ADAMTSL3: variants seen among roughly 807,000 people sequenced by gnomAD.
ADAMTSL3 encodes ADAMTS-like protein 3.
In ADAMTSL3, 128 loss-of-function variants were observed where a neutral mutation model predicts 201.7. The observed-to-expected ratio is 0.63, with a 90% CI of 0.55 to 0.73. The LOEUF is 0.73. Among genes scored for constraint, ADAMTSL3 ranks in the 30% least tolerant of loss-of-function variants. ADAMTSL3 has a pLI of 0.00. For synonymous variants in ADAMTSL3, 738 were observed against 748.4 expected (o/e 0.99, Z 0.23); for missense variants, 1,990 against 2,119.6 (o/e 0.94, Z 1.20).
intron 8 of ADAMTSL3, among the ~76,000 whole-genome samples, chr15:83,869,824 G>T (rs1425655996): frequency 6.6e-6 from 1 of 152,116 alleles, no homozygotes; most frequent in African/African-American, 2.4e-5. Flanking sequence ...CTGAGAGATT[G>T]TCTGCTCTGA....
chr15:83,759,260 C>G (rs1423503562), intron 3 of ADAMTSL3, among the ~76,000 whole-genome samples: 3 of 149,804 alleles, frequency 2.0e-5, no homozygotes, highest in Non-Finnish European at 3.0e-5. Flanking sequence ...GAGTCTCGCT[C>G]TGTCGCCCAG....
intron 8 of ADAMTSL3, among the ~76,000 whole-genome samples, chr15:83,869,591 C>A (rs183328949): frequency 6.6e-6 from 1 of 152,306 alleles, no homozygotes; most frequent in Admixed American, 6.5e-5. Flanking sequence ...TGAATTCCTG[C>A]AGCTGCTCCA....
At chr15:83,977,119 A>G (rs1435186170) in intron 20 of ADAMTSL3, among the ~76,000 whole-genome samples, 1 of 152,142 alleles carries the variant, frequency 6.6e-6, no homozygotes, top group African/African-American at 2.4e-5. Flanking sequence ...CAGCAGCGGC[A>G]TTAGCTTCTC....
At chr15:83,700,323 T>C (rs1173525400) in intron 2 of ADAMTSL3, among the ~76,000 whole-genome samples, 1 of 152,240 alleles carries the variant, frequency 6.6e-6, no homozygotes, top group Non-Finnish European at 1.5e-5. Context: ...TTAGGGCTTT[T>C]GCACTTGTTC....
chr15:83,761,817 C>A (rs963501191), intron 3 of ADAMTSL3, among the ~76,000 whole-genome samples: 3 of 152,210 alleles, frequency 2.0e-5, no homozygotes, highest in Non-Finnish European at 4.4e-5. Context: ...AATGTTGTCT[C>A]TTGCTACAAT....
At chr15:83,767,761 C>T (rs967278506) in intron 3 of ADAMTSL3, among the ~76,000 whole-genome samples, 11 of 152,134 alleles carry the variant, frequency 7.2e-5, no homozygotes, top group East Asian at 3.8e-4. Context: ...CATTTGATGA[C>T]GGTAATTGGT....
chr15:83,859,602 T>C (rs1433268635), intron 8 of ADAMTSL3, among the ~76,000 whole-genome samples: 1 of 152,206 alleles, frequency 6.6e-6, no homozygotes, highest in Non-Finnish European at 1.5e-5. Flanking sequence ...GTGAAGTTGC[T>C]CATTACTTCT....
chr15:83,723,389 A>G (rs1025935009), intron 3 of ADAMTSL3, among the ~76,000 whole-genome samples: 4 of 152,226 alleles, frequency 2.6e-5, no homozygotes, highest in African/African-American at 7.2e-5. Context: ...CAGTTTTGCA[A>G]CATGTATTAA....
chr15:84,017,834 C>T (rs886378501), intron 25 of ADAMTSL3, among the ~76,000 whole-genome samples: 2 of 152,188 alleles, frequency 1.3e-5, no homozygotes, highest in Admixed American at 1.3e-4. Context: ...TTGAGAAGCT[C>T]ACAGTCTGAA....
intron 9 of ADAMTSL3, among the ~76,000 whole-genome samples, chr15:83,882,154 T>A (rs1252112950): frequency 4.5e-4 from 68 of 151,930 alleles, no homozygotes; most frequent in Non-Finnish European, 5.9e-5. Flanking sequence ...AGACTCTGTG[T>A]CAAAAAAAGA....
intron 19 of ADAMTSL3, among the ~76,000 whole-genome samples, chr15:83,967,251 A>G (rs2067106583): frequency 6.6e-6 from 1 of 152,268 alleles, no homozygotes; most frequent in Non-Finnish European, 1.5e-5. Context: ...CTCTGTTTGC[A>G]GATGACATAA....
At chr15:83,676,948 T>G (rs2061414200) in intron 2 of ADAMTSL3, among the ~76,000 whole-genome samples, 1 of 152,232 alleles carries the variant, frequency 6.6e-6, no homozygotes, top group Non-Finnish European at 1.5e-5. Context: ...TACATTTCTG[T>G]TTTTTATAAA....
At chr15:83,967,994 A>G (rs1014257196) in intron 19 of ADAMTSL3, among the ~76,000 whole-genome samples, 2 of 152,216 alleles carry the variant, frequency 1.3e-5, no homozygotes, top group Admixed American at 6.5e-5. Context: ...GGAAAACTGA[A>G]ACTGGACCCC....
At chr15:83,837,995 T>A (rs2064307780) in intron 6 of ADAMTSL3, 94 bp from the exon 7 acceptor site, 1 of 1,483,880 alleles carries the variant, frequency 6.7e-7, no homozygotes, top group Non-Finnish European at 9.0e-7. Context: ...AACTGTAAAG[T>A]TAAGGATTAC....
chr15:84,030,661 G>A (rs540521849), intron 27 of ADAMTSL3, among the ~76,000 whole-genome samples: 39 of 152,276 alleles, frequency 2.6e-4, no homozygotes, highest in Non-Finnish European at 4.6e-4. Flanking sequence ...TTAAGACTTT[G>A]GGGGACTGTT....
intron 5 of ADAMTSL3, among the ~76,000 whole-genome samples, chr15:83,812,912 A>C (rs4310815): frequency 0.43 from 65,556 of 152,048 alleles, 15,283 homozygotes; most frequent in South Asian, 0.64. Context: ...TTTACAGAGG[A>C]GATTTAAGTA....
chr15:83,813,210 G>C (rs1269051588), intron 5 of ADAMTSL3, among the ~76,000 whole-genome samples: 1 of 152,206 alleles, frequency 6.6e-6, no homozygotes, highest in Non-Finnish European at 1.5e-5. Flanking sequence ...AGTTGGCAAG[G>C]GCCAGAGATC....
At chr15:83,793,812 C>T (rs1309093764) in intron 4 of ADAMTSL3, among the ~76,000 whole-genome samples, 3 of 152,034 alleles carry the variant, frequency 2.0e-5, no homozygotes, top group Non-Finnish European at 4.4e-5. Context: ...GAGGAATCAG[C>T]TTACTTAATA....
In ADAMTSL3 at chr15:83,654,487, C is replaced by G. The variant is rs150657166; in HGVS notation, c.-34+211C>G. On this transcript the variant is annotated intron_variant, in intron 1 of 29. Coordinates refer to ENST00000286744, the MANE Select transcript of ADAMTSL3 (RefSeq NM_207517.3). The surrounding 1 kb of genome is among the most constrained non-coding windows in gnomAD (Gnocchi z 5.3). Reference sequence around the variant, plus strand: ...GGGTCGGGCGCGCTTCGTGCCGTCCCGGAAGGTTCAGGGAGAGTCTTTCGG... The same window carrying G: ...GGGTCGGGCGCGCTTCGTGCCGTCCGGGAAGGTTCAGGGAGAGTCTTTCGG... Among the ~76,000 whole-genome samples the G allele has an allele frequency of 1.3e-5, 2 of 152,126 alleles. No individual in the cohort carries two copies. Among genetic ancestry groups the G allele is most frequent in the Non-Finnish European group, 2.9e-5 (2 of 68,000 alleles).
Sources: allele counts gnomAD v4.1 joint callset (sites outside exome capture counted in the v4.1 genomes callset), GRCh38; gene constraint gnomAD v4.1.1; non-coding constraint Gnocchi (gnomAD v3.1); transcripts MANE v1.5; gene names NCBI Gene and HGNC (gene_info 2026-07-23, HGNC 2026-07-21).